Variants in GFM1 observed in about 807,000 individuals in gnomAD.
GFM1 encodes the protein G elongation factor mitochondrial 1.
A neutral mutation model predicts 96.2 loss-of-function variants in GFM1; 62 were observed. The observed-to-expected ratio is 0.64, with a 90% CI of 0.53 to 0.80. The LOEUF (loss-of-function observed/expected upper bound fraction) is 0.80, where lower values mean the gene tolerates loss of function less well. Among genes scored for constraint, GFM1 ranks in the 30% least tolerant of loss-of-function variants. GFM1 has a pLI of 0.00. For missense variants in GFM1, 852 were observed against 916.6 expected, an observed-to-expected ratio of 0.93 and a Z score of 0.91; for synonymous variants, 282 against 312.9, an observed-to-expected ratio of 0.90 and a Z score of 1.04.
intron 13 of GFM1, chr3:158,672,314 A>C (rs368247648): frequency 2.5e-6 from 4 of 1,610,276 alleles, no homozygotes; most frequent in Non-Finnish European, 3.4e-6. Context: ...CGCAATCCTG[A>C]AGCCTCTGCT....
chr3:158,662,731 C>A, intron 11 of GFM1, 47 bp downstream of exon 11: 1 of 1,141,158 alleles, frequency 8.8e-7, no homozygotes, highest in Non-Finnish European at 1.3e-6. Flanking sequence ...AAAACTTGAG[C>A]TCTTTTTCAT....
chr3:158,655,947 G>A (rs1036019514), intron 8 of GFM1: 2 of 456,350 alleles, frequency 4.4e-6, no homozygotes, highest in African/African-American at 2.0e-5. Flanking sequence ...TGTTTCTCAC[G>A]AGATTGATAT....
At chr3:158,672,568 C>G (rs987330267) in intron 13 of GFM1, 12 of 1,539,036 alleles carry the variant, frequency 7.8e-6, no homozygotes, top group African/African-American at 1.4e-5. Flanking sequence ...CTGCTGGGTC[C>G]GGTTGCCGAG....
chr3:158,690,094 T>C, intron 15 of GFM1, 69 bp from the exon 16 acceptor site: 1 of 1,386,946 alleles, frequency 7.2e-7, no homozygotes, highest in Non-Finnish European at 1.0e-6. Context: ...TTTCTCCCTT[T>C]TTTATATCTG....
intron 13 of GFM1, among the ~76,000 whole-genome samples, chr3:158,678,137 A>C (rs1232234870): frequency 6.6e-6 from 1 of 152,226 alleles, no homozygotes; most frequent in Admixed American, 6.5e-5. Flanking sequence ...TGATTCTTTC[A>C]AAAGATTACT....
In GFM1 at chr3:158,684,618, AT is replaced by A; in HGVS notation, c.1861del (p.Ser621LeufsTer35). ...CAAGATGGAGCACACCACATGGTTG[AT>A]TCTAATGAAATCTCTTTCATCCGAG... ...VLQDGAHHMV[D>X]SNEISFIRAG... is the part of the protein sequence containing the mutation. On this transcript the variant is annotated frameshift_variant, in exon 15 of 18. Coordinates refer to ENST00000486715, the MANE Select transcript of GFM1 (RefSeq NM_024996.7). LOFTEE classifies it high-confidence loss of function. 1 of 1,614,104 alleles carries A rather than the reference AT, an allele frequency of 6.2e-7. No homozygotes were observed. Among genetic ancestry groups the A allele is most frequent in the Non-Finnish European group, 8.5e-7 (1 of 1,179,998 alleles).
intron 13 of GFM1, among the ~76,000 whole-genome samples, chr3:158,678,200 A>G (rs910208134): frequency 6.6e-6 from 1 of 152,232 alleles, no homozygotes; most frequent in Non-Finnish European, 1.5e-5. Flanking sequence ...ATGTACAAAG[A>G]GATTAATGTT....
Position 158,693,577 on chromosome 3 carries a change from T to C in GFM1, c.*2110T>C, listed in dbSNP as rs1454325711. 4.6e-5 allele frequency: 7 copies of C among 152,326 alleles called. No individual in the cohort carries two copies. In the East Asian group the frequency reaches 1.2e-3, roughly 25 times the overall value. 9.4% of individuals were successfully genotyped at this position (152,326 alleles called of 1,614,324 possible). A position where few individuals can be genotyped will look rare whatever the true frequency, so the allele number is the denominator to read the frequency against. ...TCTCTTTCTAAGTCATTAGTTATAG[T>C]TGGCAAAGATCACATACCAACCAAA... On this transcript the variant is annotated 3_prime_UTR_variant, in exon 18 of 18. Coordinates refer to ENST00000486715, the MANE Select transcript of GFM1 (RefSeq NM_024996.7).
rs544868089 is a variant in GFM1 at position 158,662,172 on chromosome 3, AC to A, written c.1324-454del. 3.0e-3 allele frequency among the ~76,000 whole-genome samples: 454 copies of A among 152,298 alleles called. 2 individuals are homozygous for A. Among genetic ancestry groups the A allele is most frequent in the African/African-American group, 0.011 (442 of 41,554 alleles). On this transcript the variant is annotated intron_variant, in intron 10 of 17. Transcript: ENST00000486715. ...ACTGCATTCGTAAAATGGGGATAATACCTGCTTCTCAGAGTTGTAATTCATT... is the reference window on the plus strand; with the variant it reads ...ACTGCATTCGTAAAATGGGGATAATACTGCTTCTCAGAGTTGTAATTCATT...
At position 158,664,523 on chromosome 3, in the gene GFM1, C is replaced by A. The variant is rs114870924; in HGVS notation, c.1381-814C>A. Reference sequence around the variant, plus strand: ...ACCTTCCTTGGCTTGTGGCCCCCTGCCTCCATCTTCAGTGCCGTCAACAGC... The same window carrying A: ...ACCTTCCTTGGCTTGTGGCCCCCTGACTCCATCTTCAGTGCCGTCAACAGC... On this transcript the variant is annotated intron_variant, in intron 11 of 17. Coordinates refer to ENST00000486715, the MANE Select transcript of GFM1 (RefSeq NM_024996.7). Among the ~76,000 whole-genome samples, 776 of 152,304 alleles carry A rather than the reference C, an allele frequency of 5.1e-3. 7 individuals are homozygous for A. The highest frequency in any genetic ancestry group is 0.018 in the African/African-American group (750 of 41,552).
At chr3:158,690,862 C>T (rs543537668) in intron 16 of GFM1, among the ~76,000 whole-genome samples, 4 of 152,226 alleles carry the variant, frequency 2.6e-5, no homozygotes, top group East Asian at 3.9e-4. Flanking sequence ...GGCTACAGAG[C>T]GGAGTGGGGA....
chr3:158,662,490 A>G (rs1723271920), intron 10 of GFM1, 138 bp from the exon 11 acceptor site: 5 of 645,930 alleles, frequency 7.7e-6, no homozygotes, highest in Non-Finnish European at 1.4e-5. Flanking sequence ...AGATCAAGAT[A>G]TATGTTGTCT....
chr3:158,672,540 C>T (rs1724443834), intron 13 of GFM1: 2 of 1,598,142 alleles, frequency 1.3e-6, no homozygotes, highest in African/African-American at 2.7e-5. Flanking sequence ...AGTAGCAGAG[C>T]GCCGCCCGTC....
rs1722341512 is a variant in GFM1, at chr3:158,652,099, G to C, written c.693G>C (p.Gln231His). 1.2e-6 allele frequency: 2 copies of C among 1,613,862 alleles called. No homozygotes were observed. Among genetic ancestry groups the C allele is most frequent in the South Asian group, 1.1e-5 (1 of 91,076 alleles). The change falls in exon 6 of 18, where the codon CAG becomes CAC. Residue 231 changes from glutamine to histidine, a missense_variant. Gln to His is a conservative substitution (Grantham distance 24). Transcript: ENST00000486715. Reference sequence around the variant, plus strand: ...ACCAAAATATTTGCTTTCTTAGTCAGATTGTTCGATATGGTGAGATTCCAG... The same window carrying C: ...ACCAAAATATTTGCTTTCTTAGTCACATTGTTCGATATGGTGAGATTCCAG... ...RAIYFDGDFG[Q>H]IVRYGEIPAE...
At chr3:158,657,035 G>T (rs137918341) in intron 8 of GFM1, 2 of 152,138 alleles carry the variant, frequency 1.3e-5, no homozygotes, top group African/African-American at 4.8e-5. Context: ...GACTGGATGG[G>T]CTTTTTGTTG....
intron 13 of GFM1, chr3:158,667,178 AT>A (rs1723790577): frequency 4.9e-6 from 6 of 1,215,900 alleles, no homozygotes; most frequent in Non-Finnish European, 6.6e-6. Flanking sequence ...TAATATTTCC[AT>A]TTAGGTAAAA....
chr3:158,684,835 A>G (rs914231348), intron 15 of GFM1, 167 bp downstream of exon 15: 35 of 651,638 alleles, frequency 5.4e-5, no homozygotes, highest in South Asian at 4.0e-4. Context: ...GTAGATTATT[A>G]TGTTCTCTTT....
chr3:158,671,700 T>C (rs1193432175), intron 13 of GFM1, among the ~76,000 whole-genome samples: 3 of 152,224 alleles, frequency 2.0e-5, no homozygotes, highest in East Asian at 3.8e-4. Flanking sequence ...TCAAATCCAG[T>C]AGATTTTCGT....
intron 15 of GFM1, 147 bp from the exon 16 acceptor site, chr3:158,690,016 G>C: frequency 1.5e-6 from 1 of 675,756 alleles, no homozygotes; most frequent in African/African-American, 1.8e-5. Flanking sequence ...ATTACTACAG[G>C]AAAAATGAGT....
Sources: allele counts gnomAD v4.1 joint callset (sites outside exome capture counted in the v4.1 genomes callset), GRCh38; gene constraint gnomAD v4.1.1; transcripts MANE v1.5; gene names NCBI Gene and HGNC (gene_info 2026-07-23, HGNC 2026-07-21).